The following ANKRD31 variants were observed in gnomAD, a reference collection of about 807,000 sequenced individuals.
ANKRD31 encodes the protein ankyrin repeat domain 31.
Under a neutral mutation model 186.0 loss-of-function variants are expected in ANKRD31, and 147 were observed. That is an observed-to-expected ratio of 0.79 (90% confidence interval 0.69 to 0.91). The LOEUF is 0.91. Among genes scored for constraint, ANKRD31 ranks in the 40% least tolerant of loss-of-function variants. The pLI is 0.00. For missense variants in ANKRD31, 1,986 were observed against 2,148.8 expected, an observed-to-expected ratio of 0.92 and a Z score of 1.50; for synonymous variants, 673 against 736.4, an observed-to-expected ratio of 0.91 and a Z score of 1.39.
chr5:75,171,214 T>C (rs191584352), intron 10 of ANKRD31, among the ~76,000 whole-genome samples: 1 of 152,228 alleles, frequency 6.6e-6, no homozygotes, highest in East Asian at 1.9e-4. Context: ...AGATAATATA[T>C]TATGCAATAA....
At chr5:75,224,170 T>C (rs1561550183) in intron 2 of ANKRD31, among the ~76,000 whole-genome samples, 1 of 121,514 alleles carries the variant, frequency 8.2e-6, no homozygotes, top group Non-Finnish European at 1.6e-5. Context: ...TGTATATATA[T>C]ATATATATAC....
intron 23 of ANKRD31, among the ~76,000 whole-genome samples, chr5:75,087,338 C>A (rs1182183589): frequency 6.6e-6 from 1 of 151,984 alleles, no homozygotes; most frequent in East Asian, 1.9e-4. Flanking sequence ...GAAACCCCGT[C>A]TCTACTAAAA....
At chr5:75,179,262 AG>A (rs1157683496) in intron 10 of ANKRD31, among the ~76,000 whole-genome samples, 4 of 152,152 alleles carry the variant, frequency 2.6e-5, no homozygotes, top group Admixed American at 2.0e-4. Context: ...AACCAAAAAA[AG>A]TCCAGGACCA....
rs1021887371 is a variant in ANKRD31 at position 75,141,352 on chromosome 5, G to C, written c.3596-2369C>G. 1.1e-4 allele frequency among the ~76,000 whole-genome samples: 16 copies of C among 152,180 alleles called. No individual in the cohort carries two copies. The East Asian group carries it at 2.7e-3, about 26-fold the overall frequency. ...TGAAAACTTATGTGTGTGTGTGTGTGTGTATATATATACATATGAGAGACA... is the reference window on the plus strand; with the variant it reads ...TGAAAACTTATGTGTGTGTGTGTGTCTGTATATATATACATATGAGAGACA... On this transcript the variant is annotated intron_variant, in intron 15 of 25. Coordinates refer to ENST00000506364, the MANE Select transcript of ANKRD31 (RefSeq NM_001372053.1).
chr5:75,185,314 C>T lies in ANKRD31; in HGVS notation c.1564+3179G>A, dbSNP rs527628916. Among the ~76,000 whole-genome samples the T allele has an allele frequency of 2.6e-5, 4 of 152,214 alleles. No homozygotes were observed. The South Asian group carries it at 8.3e-4, about 32-fold the overall frequency. ...GCGGCTCACACCTGTAATCCCAGAA[C>T]TTTGGGAGGCTGAGGCAGGTGGATC... On this transcript the variant is annotated intron_variant, in intron 10 of 25. Coordinates refer to ENST00000506364, the MANE Select transcript of ANKRD31 (RefSeq NM_001372053.1).
At chr5:75,196,239 T>C in intron 6 of ANKRD31, 39 bp from the exon 7 acceptor site, 3 of 1,318,616 alleles carry the variant, frequency 2.3e-6, no homozygotes, top group Non-Finnish European at 2.9e-6. Context: ...TTACAGCATA[T>C]ACAATAAAGT....
chr5:75,166,631 G>A (rs1216164292), intron 11 of ANKRD31, among the ~76,000 whole-genome samples: 1 of 152,020 alleles, frequency 6.6e-6, no homozygotes, highest in Non-Finnish European at 1.5e-5. Flanking sequence ...CAGATTACAG[G>A]ATACTTCAAA....
intron 7 of ANKRD31, among the ~76,000 whole-genome samples, chr5:75,194,034 A>G (rs1755293771): frequency 6.6e-6 from 1 of 152,150 alleles, no homozygotes; most frequent in South Asian, 2.1e-4. Flanking sequence ...CATAACCTCC[A>G]TTACATTGAT....
chr5:75,113,140 T>C (rs1210302817), intron 19 of ANKRD31, among the ~76,000 whole-genome samples: 4 of 152,084 alleles, frequency 2.6e-5, no homozygotes, highest in Admixed American at 6.6e-5. Context: ...TCTTTCCCTA[T>C]GAGAGAGAGA....
At chr5:75,187,022 AGTGTGT>A (rs10624220) in intron 10 of ANKRD31, among the ~76,000 whole-genome samples, 5,974 of 142,666 alleles carry the variant, frequency 0.042, 209 homozygotes, top group African/African-American at 0.093. Context: ...TGAGACACAG[AGTGTGT>A]GTGTGTGTGT....
chr5:75,116,646 G>C lies in ANKRD31; in HGVS notation c.4075C>G (p.Gln1359Glu). The change falls in exon 19 of 26, where the codon CAG becomes GAG. Residue 1359 changes from glutamine (Q) to glutamate (E), a missense_variant. Physicochemically the swap from Gln to Glu is conservative, Grantham distance 29. Coordinates refer to ENST00000506364, the MANE Select transcript of ANKRD31 (RefSeq NM_001372053.1). ...GTTTTGCCATCATCACAAAAACACT[G>C]TTTATGTCTTTTAGACCGGACAGCA... ...IPAVRSKRHK[Q>E]CFCDDGKTID... is the part of the protein sequence containing the mutation. 6.9e-7 allele frequency: 1 copy of C among 1,448,028 alleles called. No individual in the cohort carries two copies. The highest frequency in any genetic ancestry group is 1.5e-5 in the South Asian group (1 of 65,914). 89.7% of individuals were successfully genotyped at this position (1,448,028 alleles called of 1,614,324 possible). A position where few individuals can be genotyped will look rare whatever the true frequency, so the allele number is the denominator to read the frequency against.
chr5:75,196,397 G>C (rs572582565), intron 6 of ANKRD31, among the ~76,000 whole-genome samples, 197 bp from the exon 7 acceptor site: 1 of 152,130 alleles, frequency 6.6e-6, no homozygotes, highest in South Asian at 2.1e-4. Context: ...TGAAAACATG[G>C]TTAAACATTT....
chr5:75,209,864 G>C (rs933106598), intron 4 of ANKRD31, among the ~76,000 whole-genome samples: 18 of 152,034 alleles, frequency 1.2e-4, no homozygotes, highest in Admixed American at 2.0e-4. Flanking sequence ...TTATGTAACT[G>C]ACAGCACACA....
chr5:75,085,872 T>C (rs1745446949), intron 23 of ANKRD31, among the ~76,000 whole-genome samples: 1 of 152,182 alleles, frequency 6.6e-6, no homozygotes, highest in Admixed American at 6.5e-5. Context: ...AATGTTAAAT[T>C]GAACAGAGTG....
rs923352684 is a variant in ANKRD31 at position 75,104,580 on chromosome 5, T to G, written c.4979A>C (p.Asn1660Thr). The change falls in exon 22 of 26, where the codon AAT becomes ACT. Residue 1660 changes from asparagine to threonine, a missense_variant. Physicochemically the swap from Asn to Thr is moderately conservative, Grantham distance 65. Transcript: ENST00000506364. ...VLAENAAHPS[N>T]IICDQDLSNY... The stretch of plus-strand genomic sequence containing the variant: ...GGAAAGGTCCTGATCACAAATAATA[T>G]TTGATGGATGGGCAGCATTTTCGGC... 2.1e-5 allele frequency: 32 copies of G among 1,536,126 alleles called. No individual in the cohort carries two copies. Among genetic ancestry groups the G allele is most frequent in the Non-Finnish European group, 2.7e-5 (31 of 1,146,544 alleles).
At chr5:75,142,492 C>T (rs1751119623) in intron 15 of ANKRD31, among the ~76,000 whole-genome samples, 1 of 151,740 alleles carries the variant, frequency 6.6e-6, no homozygotes, top group Admixed American at 6.6e-5. Flanking sequence ...CTTATTGTTC[C>T]CTCTTTTCTA....
intron 15 of ANKRD31, among the ~76,000 whole-genome samples, chr5:75,140,144 C>T (rs1750900769): frequency 6.6e-6 from 1 of 151,562 alleles, no homozygotes; most frequent in African/African-American, 2.4e-5. Flanking sequence ...GTGGAGGTTG[C>T]CCTGAGCCAA....
At chr5:75,206,789 G>A (rs1294281167) in intron 4 of ANKRD31, among the ~76,000 whole-genome samples, 1 of 152,108 alleles carries the variant, frequency 6.6e-6, no homozygotes, top group Non-Finnish European at 1.5e-5. Flanking sequence ...ATAGGGGCAG[G>A]AAGGTCAGGG....
intron 25 of ANKRD31, among the ~76,000 whole-genome samples, chr5:75,076,902 C>A (rs2150005530): frequency 6.6e-6 from 1 of 152,112 alleles, no homozygotes; most frequent in East Asian, 1.9e-4. Flanking sequence ...TAATTCTAAT[C>A]AAAAACAAAA....
Sources: allele counts gnomAD v4.1 joint callset (sites outside exome capture counted in the v4.1 genomes callset), GRCh38; gene constraint gnomAD v4.1.1; transcripts MANE v1.5; gene names NCBI Gene and HGNC (gene_info 2026-07-23, HGNC 2026-07-21).